CDH2: variants seen among roughly 807,000 people sequenced by gnomAD.
CDH2 encodes cadherin-2.
CDH2 carries 17 observed loss-of-function variants against 92.0 expected under a neutral mutation model. The observed-to-expected ratio is 0.18, with a 90% CI of 0.13 to 0.28. CDH2 has a LOEUF of 0.28. Among genes scored for constraint, CDH2 ranks in the 10% least tolerant of loss-of-function variants. The pLI is 1.00. For missense variants in CDH2, 862 were observed against 1,133.1 expected (o/e 0.76, Z 3.44); for synonymous variants, 419 against 415.9 (o/e 1.01, Z -0.09).
chr18:28,101,694 C>G (rs1013388987), intron 2 of CDH2, among the ~76,000 whole-genome samples: 2 of 152,058 alleles, frequency 1.3e-5, no homozygotes, highest in South Asian at 4.1e-4. Flanking sequence ...GATTGAAGTA[C>G]AAGCATAAAC....
intron 6 of CDH2, among the ~76,000 whole-genome samples, chr18:27,941,038 T>TA (rs1297245692): frequency 4.0e-5 from 6 of 149,130 alleles, no homozygotes; most frequent in African/African-American, 1.5e-4. Flanking sequence ...AGCACCTTTT[T>TA]TTTTTTTTTT....
intron 2 of CDH2, among the ~76,000 whole-genome samples, chr18:28,039,632 T>C (rs1001641749): frequency 2.0e-5 from 3 of 152,184 alleles, no homozygotes; most frequent in South Asian, 2.1e-4. Context: ...TGGGTTGTTA[T>C]AATTACCTAT....
intron 14 of CDH2, among the ~76,000 whole-genome samples, chr18:27,970,502 A>G (rs1467281318): frequency 6.6e-6 from 1 of 152,240 alleles, no homozygotes; most frequent in Non-Finnish European, 1.5e-5. Flanking sequence ...GAAATGTCCT[A>G]AAGAATATTA....
intron 2 of CDH2, among the ~76,000 whole-genome samples, chr18:28,123,362 GT>G (rs565455581): frequency 1.3e-5 from 2 of 152,130 alleles, no homozygotes; most frequent in Non-Finnish European, 2.9e-5. Context: ...TGCAGGCGTA[GT>G]TTCATAAAAT....
chr18:28,113,970 G>A (rs1352374871), intron 2 of CDH2, among the ~76,000 whole-genome samples: 2 of 152,110 alleles, frequency 1.3e-5, no homozygotes, highest in Non-Finnish European at 2.9e-5. Context: ...AACAAGAGCA[G>A]TCATTTGGAA....
At position 27,985,154 on chromosome 18, in the gene CDH2, C is replaced by T. The variant is rs758403489; in HGVS notation, c.2055G>A (p.Ser685=). The change falls in exon 13 of 16, where the codon TCG becomes TCA. Residue 685 remains serine (S), a synonymous_variant. Coordinates refer to ENST00000269141, the MANE Select transcript of CDH2 (RefSeq NM_001792.5). ...AAATATTTGATTTGGGAGGATTACCCGAATCTGTGATTATGATGGGAACTT... is the reference window on the plus strand; with the variant it reads ...AAATATTTGATTTGGGAGGATTACCTGAATCTGTGATTATGATGGGAACTT... ...IYEVPIIITD[S]GNPPKSNISI... 11 of 1,613,482 alleles carry T rather than the reference C, an allele frequency of 6.8e-6. No individual in the cohort carries two copies. Among genetic ancestry groups the T allele is most frequent in the African/African-American group, 2.7e-5 (2 of 74,854 alleles).
intron 5 of CDH2, among the ~76,000 whole-genome samples, 156 bp from the exon 6 acceptor site, chr18:28,006,149 T>C (rs1157587837): frequency 2.6e-5 from 4 of 152,158 alleles, no homozygotes; most frequent in African/African-American, 7.2e-5. Context: ...CAAGTCCATA[T>C]AATTAGGATA....
chr18:28,064,512 G>A (rs904696344), intron 2 of CDH2, among the ~76,000 whole-genome samples: 23 of 151,924 alleles, frequency 1.5e-4, no homozygotes, highest in African/African-American at 5.6e-4. Flanking sequence ...ACCAGCCAGT[G>A]GGGAGAAAGG....
rs557645241 is a variant in CDH2 at position 28,042,276 on chromosome 18, A to T, written c.173-28367T>A. 2.0e-5 allele frequency among the ~76,000 whole-genome samples: 3 copies of T among 152,256 alleles called. No individual in the cohort carries two copies. In the South Asian group the frequency reaches 6.2e-4, roughly 32 times the overall value. ...CAATAAGATAGCATTGGAATTAGGG[A>T]AATAACGTTTTATTACTTTAGTAGC... On this transcript the variant is annotated intron_variant, in intron 2 of 15. Coordinates refer to ENST00000269141, the MANE Select transcript of CDH2 (RefSeq NM_001792.5).
intron 6 of CDH2, among the ~76,000 whole-genome samples, chr18:27,941,033 CTTTTTTTTTTT>C (rs59212895): frequency 4.8e-5 from 6 of 124,604 alleles, no homozygotes; most frequent in African/African-American, 1.8e-4. Context: ...TAAGTAGCAC[CTTTTTTTTTTT>C]TTTTTTTTTG....
chr18:28,162,748 T>C (rs969908757), intron 1 of CDH2, among the ~76,000 whole-genome samples: 1 of 152,214 alleles, frequency 6.6e-6, no homozygotes, highest in Non-Finnish European at 1.5e-5. Flanking sequence ...AGTAAAGCAC[T>C]GTTAAAGCCC....
intron 2 of CDH2, among the ~76,000 whole-genome samples, chr18:28,135,996 C>G (rs2015855961): frequency 6.6e-6 from 1 of 152,186 alleles, no homozygotes; most frequent in South Asian, 2.1e-4. Flanking sequence ...AAACAAGTAT[C>G]TGTTGAATGA....
chr18:28,061,623 C>T (rs777969783), intron 2 of CDH2, among the ~76,000 whole-genome samples: 1 of 152,118 alleles, frequency 6.6e-6, no homozygotes, highest in Non-Finnish European at 1.5e-5. Flanking sequence ...AACCCAAAAG[C>T]AAACAAATAC....
chr18:28,176,315 T>A (rs1598529768), intron 1 of CDH2, among the ~76,000 whole-genome samples: 1 of 152,158 alleles, frequency 6.6e-6, no homozygotes. Context: ...AGGCAGGCGC[T>A]GACCGGCAGA....
In CDH2 at chr18:28,158,767, G is replaced by A. The variant is rs577315042; in HGVS notation, c.61-10983C>T. Among the ~76,000 whole-genome samples the A allele has an allele frequency of 1.3e-3, 196 of 152,314 alleles. 1 individual carries two copies. The Middle Eastern group carries it at 0.02, about 16-fold the overall frequency. On this transcript the variant is annotated intron_variant, in intron 1 of 15. Coordinates refer to ENST00000269141, the MANE Select transcript of CDH2 (RefSeq NM_001792.5). ...TAAAGTTTTCCAGAGGCTATGTTAT[G>A]TGTGATACCTTAACAGAGAAAATTC... is the stretch of plus-strand genomic sequence containing the variant.
intron 14 of CDH2, among the ~76,000 whole-genome samples, chr18:27,964,171 C>T (rs865808570): frequency 6.6e-6 from 1 of 152,180 alleles, no homozygotes; most frequent in Non-Finnish European, 1.5e-5. Flanking sequence ...GAAAAGTTTG[C>T]TGACCTCTGG....
intron 2 of CDH2, among the ~76,000 whole-genome samples, chr18:28,116,865 T>C (rs988922045): frequency 6.6e-6 from 1 of 152,120 alleles, no homozygotes; most frequent in African/African-American, 2.4e-5. Flanking sequence ...GCTTGTTTTA[T>C]ATAATAAGTA....
At chr18:28,003,215 G>A in intron 6 of CDH2, 46 bp from the exon 7 acceptor site, 4 of 1,453,270 alleles carry the variant, frequency 2.8e-6, no homozygotes, top group Non-Finnish European at 3.8e-6. Context: ...CTTCATTCCA[G>A]GGACCCCAAA....
chr18:28,068,065 A>T (rs2014543813), intron 2 of CDH2, among the ~76,000 whole-genome samples: 1 of 152,198 alleles, frequency 6.6e-6, no homozygotes, highest in Non-Finnish European at 1.5e-5. Context: ...AATAATAAAT[A>T]TCCTGATCCT....
Sources: allele counts gnomAD v4.1 joint callset (sites outside exome capture counted in the v4.1 genomes callset), GRCh38; gene constraint gnomAD v4.1.1; transcripts MANE v1.5; gene names NCBI Gene and HGNC (gene_info 2026-07-23, HGNC 2026-07-21).